Variants in MAGI1 observed in about 807,000 individuals in gnomAD.
The protein encoded by MAGI1 is membrane associated guanylate kinase, WW and PDZ domain containing 1, also known as membrane-associated guanylate kinase, WW and PDZ domain-containing protein 1.
MAGI1 carries 58 observed loss-of-function variants against 139.9 expected under a neutral mutation model. The observed-to-expected ratio is 0.41, with a 90% CI of 0.34 to 0.52. The LOEUF is 0.52. Ranked by LOEUF, MAGI1 falls within the 20% of genes least tolerant of loss-of-function variation. The pLI, the probability that MAGI1 is intolerant of heterozygous loss-of-function variation, is 0.12. For missense variants in MAGI1, 1,874 were observed against 1,901.6 expected (o/e 0.99, Z 0.27); for synonymous variants, 812 against 737.9 (o/e 1.10, Z -1.63).
At chr3:65,943,817 C>A (rs181802314) in intron 1 of MAGI1, among the ~76,000 whole-genome samples, 1 of 152,170 alleles carries the variant, frequency 6.6e-6, no homozygotes, top group Admixed American at 6.5e-5. Context: ...TAAAGAGTTT[C>A]ATGTTCAAGA....
intron 1 of MAGI1, among the ~76,000 whole-genome samples, chr3:65,900,149 C>T (rs1329587392): frequency 1.3e-5 from 2 of 152,072 alleles, no homozygotes; most frequent in Non-Finnish European, 2.9e-5. Flanking sequence ...AAGAGATAGG[C>T]AGTATACACC....
rs9814598 is a variant in MAGI1 at position 65,398,928 on chromosome 3, G to A, written c.2199+2511C>T. 9.4e-3 allele frequency among the ~76,000 whole-genome samples: 1,432 copies of A among 151,658 alleles called. 22 individuals carry two copies. The highest frequency in any genetic ancestry group is 0.033 in the African/African-American group (1,363 of 41,330). Reference sequence around the variant, plus strand: ...AGTAAGCTACAGGGACTATCCAGGAGAAGAAACAAGATAAAAAAAGATAAG... The same window carrying A: ...AGTAAGCTACAGGGACTATCCAGGAAAAGAAACAAGATAAAAAAAGATAAG... On this transcript the variant is annotated intron_variant, in intron 13 of 22. Transcript: ENST00000402939.
intron 1 of MAGI1, among the ~76,000 whole-genome samples, chr3:65,649,502 T>C (rs1375131284): frequency 2.0e-5 from 3 of 152,182 alleles, no homozygotes; most frequent in African/African-American, 7.2e-5. Flanking sequence ...GAACTGGGCA[T>C]TATGAAAATT....
intron 1 of MAGI1, among the ~76,000 whole-genome samples, chr3:65,749,129 T>G (rs1181361675): frequency 6.6e-6 from 1 of 152,232 alleles, no homozygotes; most frequent in East Asian, 1.9e-4. Context: ...GTTGATGGGC[T>G]TCCAAGACTT....
At chr3:65,726,121 T>A (rs2033577149) in intron 1 of MAGI1, among the ~76,000 whole-genome samples, 1 of 152,186 alleles carries the variant, frequency 6.6e-6, no homozygotes, top group East Asian at 1.9e-4. Context: ...TACTGCTGCA[T>A]ATGAATCAGT....
intron 1 of MAGI1, among the ~76,000 whole-genome samples, chr3:65,681,778 T>C (rs764735142): frequency 6.6e-6 from 1 of 152,190 alleles, no homozygotes; most frequent in South Asian, 2.1e-4. Context: ...ACTTAAGAAT[T>C]AGATGCCCAA....
At chr3:65,701,881 TAA>T (rs2089638556) in intron 1 of MAGI1, among the ~76,000 whole-genome samples, 1 of 152,238 alleles carries the variant, frequency 6.6e-6, no homozygotes, top group Non-Finnish European at 1.5e-5. Context: ...GTAGCCGTGA[TAA>T]AATTTTAATT....
At chr3:66,028,740 C>T (rs1447102702) in intron 1 of MAGI1, among the ~76,000 whole-genome samples, 1 of 152,150 alleles carries the variant, frequency 6.6e-6, no homozygotes. Flanking sequence ...ACTCGGGCAA[C>T]TCAAACCTCC....
intron 1 of MAGI1, among the ~76,000 whole-genome samples, chr3:65,973,667 T>A (rs1019887157): frequency 6.6e-6 from 1 of 152,248 alleles, no homozygotes; most frequent in Admixed American, 6.5e-5. Context: ...TTCCTAATTA[T>A]TCTAAATCTT....
intron 1 of MAGI1, among the ~76,000 whole-genome samples, chr3:65,649,981 C>A (rs540206641): frequency 6.6e-6 from 1 of 152,276 alleles, no homozygotes; most frequent in South Asian, 2.1e-4. Flanking sequence ...CCATTTGACC[C>A]AGTGCTATAG....
chr3:66,023,358 G>C (rs1046425420), intron 1 of MAGI1, among the ~76,000 whole-genome samples: 10 of 152,030 alleles, frequency 6.6e-5, no homozygotes, highest in Non-Finnish European at 1.5e-4. Context: ...TAATTTAATA[G>C]AGGACCTTTC....
intron 1 of MAGI1, among the ~76,000 whole-genome samples, chr3:65,970,168 A>G (rs2064952843): frequency 6.6e-6 from 1 of 152,222 alleles, no homozygotes; most frequent in Non-Finnish European, 1.5e-5. Flanking sequence ...TCTAAAAAAG[A>G]ACACTATTTT....
At chr3:65,946,072 T>C (rs2063532362) in intron 1 of MAGI1, among the ~76,000 whole-genome samples, 1 of 152,200 alleles carries the variant, frequency 6.6e-6, no homozygotes, top group Non-Finnish European at 1.5e-5. Context: ...CTTAGAAAGC[T>C]CTCTGGGCCT....
chr3:65,442,354 T>C (rs1012084126), intron 8 of MAGI1, among the ~76,000 whole-genome samples: 2 of 152,206 alleles, frequency 1.3e-5, no homozygotes, highest in African/African-American at 2.4e-5. Context: ...CCTTTTGAAA[T>C]GTATGAATGA....
intron 1 of MAGI1, among the ~76,000 whole-genome samples, chr3:65,653,490 T>C (rs1284966114): frequency 6.6e-6 from 1 of 152,128 alleles, no homozygotes; most frequent in East Asian, 1.9e-4. Flanking sequence ...TAATATAAGG[T>C]GTCATGGATG....
Position 65,356,937 on chromosome 3 carries a change from T to C in MAGI1, c.3830A>G (p.Asn1277Ser), listed in dbSNP as rs779070587. The C allele has an allele frequency of 8.7e-6, 14 of 1,614,140 alleles. No homozygotes were observed. The highest frequency in any genetic ancestry group is 1.1e-5 in the Non-Finnish European group (13 of 1,180,004). The change falls in exon 23 of 23, where the codon AAT (asparagine) becomes AGT (serine). Residue 1277 changes from asparagine (N) to serine (S), a missense_variant. Asn to Ser is a conservative substitution (Grantham distance 46). Around this residue, in one of 5 missense-constraint regions of MAGI1, gnomAD observed 653 missense variants for 644.5 expected, o/e 1.01. Coordinates refer to ENST00000402939, the MANE Select transcript of MAGI1 (RefSeq NM_001033057.2). ...KGSREYSRQP[N>S]EHHTWNGTSR... ...AGTCCCATTCCAGGTGTGGTGTTCA[T>C]TGGGTTGTCTGCTATACTCTCTGCT...
At chr3:65,507,164 T>C (rs1025260402) in intron 2 of MAGI1, among the ~76,000 whole-genome samples, 1 of 152,220 alleles carries the variant, frequency 6.6e-6, no homozygotes, top group South Asian at 2.1e-4. Flanking sequence ...ATGGTCTTCA[T>C]AGTATTGAAG....
At chr3:65,841,663 T>A (rs2058811989) in intron 1 of MAGI1, among the ~76,000 whole-genome samples, 1 of 152,060 alleles carries the variant, frequency 6.6e-6, no homozygotes, top group African/African-American at 2.4e-5. Context: ...CCTGACCTCA[T>A]GATCCACCTG....
rs924378822 is a variant in MAGI1 at position 65,542,596 on chromosome 3, C to A, written c.431-48965G>T. On this transcript the variant is annotated intron_variant, in intron 2 of 22. Coordinates refer to ENST00000402939, the MANE Select transcript of MAGI1 (RefSeq NM_001033057.2). ...CAGAACAGAGGCCTCAGAAATAACA[C>A]CACACATCTACAACCATATGACCTT... 2.6e-5 allele frequency among the ~76,000 whole-genome samples: 4 copies of A among 152,112 alleles called. No homozygotes were observed. The South Asian group carries it at 8.3e-4, about 32-fold the overall frequency.
Sources: gnomAD v4.1 joint callset for allele counts (sites outside exome capture counted in the v4.1 genomes callset) on GRCh38, gnomAD v4.1.1 for gene constraint, gnomAD v4.1.1 regional missense constraint, MANE v1.5 for transcripts, NCBI Gene and HGNC (gene_info 2026-07-23, HGNC 2026-07-21) for gene names.